PPFIA2: variants seen among roughly 807,000 people sequenced by gnomAD.
PPFIA2 encodes the protein PPFI scaffold protein A2, also known as liprin-alpha-2.
In PPFIA2, 46 loss-of-function variants were observed where a neutral mutation model predicts 175.5. The observed-to-expected ratio is 0.26, with a 90% CI of 0.21 to 0.34. The LOEUF (loss-of-function observed/expected upper bound fraction) is 0.34. PPFIA2 is among the 10% of genes least tolerant of loss of function. PPFIA2 has a pLI of 1.00. For synonymous variants in PPFIA2, 568 were observed against 511.4 expected (o/e 1.11, Z -1.49); for missense variants, 1,179 against 1,506.1 (o/e 0.78, Z 3.60).
At chr12:81,631,235 A>G (rs1009359813) in intron 4 of PPFIA2, among the ~76,000 whole-genome samples, 28 of 152,046 alleles carry the variant, frequency 1.8e-4, no homozygotes, top group Non-Finnish European at 3.8e-4. Context: ...TCTTATTATT[A>G]GATATTGATT....
chr12:81,375,717 AC>A, intron 10 of PPFIA2, 78 bp downstream of exon 10: 2 of 1,382,750 alleles, frequency 1.4e-6, no homozygotes, highest in Non-Finnish European at 2.0e-6. Flanking sequence ...GTCAAGAAGT[AC>A]CCTATTTTAT....
chr12:81,388,188 A>G (rs2039386574), intron 8 of PPFIA2, among the ~76,000 whole-genome samples: 1 of 152,186 alleles, frequency 6.6e-6, no homozygotes, highest in Non-Finnish European at 1.5e-5. Flanking sequence ...TAACGTTTAC[A>G]TACTATAAAT....
intron 4 of PPFIA2, among the ~76,000 whole-genome samples, chr12:81,565,571 T>C (rs1238709210): frequency 6.6e-6 from 1 of 152,180 alleles, no homozygotes; most frequent in African/African-American, 2.4e-5. Flanking sequence ...CTGCATACAC[T>C]CCTTTCTGAA....
At chr12:81,419,879 A>G (rs988339232) in intron 7 of PPFIA2, among the ~76,000 whole-genome samples, 2 of 152,148 alleles carry the variant, frequency 1.3e-5, no homozygotes, top group African/African-American at 2.4e-5. Flanking sequence ...GTATGTTCAC[A>G]GTTCAGACAC....
At chr12:81,571,326 C>T (rs1286223172) in intron 4 of PPFIA2, among the ~76,000 whole-genome samples, 1 of 151,918 alleles carries the variant, frequency 6.6e-6, no homozygotes, top group Admixed American at 6.6e-5. Flanking sequence ...AAAAAATATC[C>T]CAGTAACTAG....
intron 8 of PPFIA2, among the ~76,000 whole-genome samples, chr12:81,403,809 G>C (rs534811824): frequency 1.3e-5 from 2 of 152,238 alleles, no homozygotes; most frequent in East Asian, 3.9e-4. Flanking sequence ...CGTGCATGCA[G>C]ACAGCCCACC....
intron 3 of PPFIA2, among the ~76,000 whole-genome samples, chr12:81,743,794 G>T (rs2082672248): frequency 6.6e-6 from 1 of 152,046 alleles, no homozygotes; most frequent in Non-Finnish European, 1.5e-5. Flanking sequence ...CAGAATTTAG[G>T]CAGTGCCTTC....
At chr12:81,730,957 T>G (rs1170073306) in intron 3 of PPFIA2, among the ~76,000 whole-genome samples, 1 of 151,580 alleles carries the variant, frequency 6.6e-6, no homozygotes, top group Non-Finnish European at 1.5e-5. Context: ...TTATAAAGAA[T>G]GAAGAATCCC....
At chr12:81,440,810 C>CCTGATATATATATATATATATATA (rs1172462264) in intron 6 of PPFIA2, among the ~76,000 whole-genome samples, 1 of 140,994 alleles carries the variant, frequency 7.1e-6, no homozygotes, top group Non-Finnish European at 1.5e-5. Context: ...ATATATATGT[C>CCTGATATATATATATATATATATA]CTGATATATA....
chr12:81,642,633 C>A (rs559453329), intron 4 of PPFIA2, among the ~76,000 whole-genome samples: 512 of 20,198 alleles, frequency 0.025, 16 homozygotes, highest in African/African-American at 0.11. Flanking sequence ...TACTATATAT[C>A]TATTATATAC....
intron 11 of PPFIA2, among the ~76,000 whole-genome samples, chr12:81,371,419 T>G (rs1327315269): frequency 6.6e-6 from 1 of 151,744 alleles, no homozygotes; most frequent in African/African-American, 2.4e-5. Context: ...GTTAGTAGTG[T>G]TTAAATTAAT....
chr12:81,611,315 A>G (rs909705263), intron 4 of PPFIA2, among the ~76,000 whole-genome samples: 11 of 151,964 alleles, frequency 7.2e-5, no homozygotes, highest in Admixed American at 5.9e-4. Flanking sequence ...GGGGCCCGGG[A>G]CCCAGCAACT....
chr12:81,751,703 A>C (rs1293614284), intron 3 of PPFIA2, among the ~76,000 whole-genome samples: 3 of 152,182 alleles, frequency 2.0e-5, no homozygotes, highest in African/African-American at 7.2e-5. Flanking sequence ...ATATTTAAAA[A>C]TTAAAACTTA....
Position 81,371,337 on chromosome 12 carries a change from ATGT to A in PPFIA2, c.1267-2146_1267-2144del, listed in dbSNP as rs561848514. On this transcript the variant is annotated intron_variant, in intron 11 of 32. Coordinates refer to ENST00000549396, the MANE Select transcript of PPFIA2 (RefSeq NM_003625.5). ...TAAATTTTAGAGTAAGTGGATCAAA[ATGT>A]TGTTGAAATTATATAATCTAAATTC... is the stretch of plus-strand genomic sequence containing the variant. Among the ~76,000 whole-genome samples, 18 of 75,086 alleles carry A rather than the reference ATGT, an allele frequency of 2.4e-4. No individual in the cohort carries two copies. In the South Asian group the frequency reaches 7.4e-3, roughly 31 times the overall value. 49.3% of individuals were successfully genotyped at this position (75,086 alleles called of 152,430 possible).
At chr12:81,437,055 T>C (rs1037499483) in intron 7 of PPFIA2, among the ~76,000 whole-genome samples, 3 of 152,190 alleles carry the variant, frequency 2.0e-5, no homozygotes, top group Non-Finnish European at 4.4e-5. Flanking sequence ...ATTTTATCTA[T>C]GTAAAATCAA....
intron 4 of PPFIA2, among the ~76,000 whole-genome samples, chr12:81,478,305 C>A (rs1017105181): frequency 9.9e-5 from 15 of 151,720 alleles, no homozygotes; most frequent in Non-Finnish European, 1.5e-5. Flanking sequence ...TCTCTCTTTT[C>A]TTCTTTATTA....
intron 4 of PPFIA2, among the ~76,000 whole-genome samples, chr12:81,503,138 C>G (rs1358367197): frequency 3.3e-5 from 5 of 152,166 alleles, no homozygotes; most frequent in Non-Finnish European, 7.3e-5. Context: ...TCCTTTCTGC[C>G]TCTCCCTCCC....
chr12:81,331,699 G>A (rs2056157982), intron 21 of PPFIA2, among the ~76,000 whole-genome samples: 1 of 152,098 alleles, frequency 6.6e-6, no homozygotes. Context: ...ATGCAATTGG[G>A]AATTCTGCTT....
At chr12:81,311,977 G>A (rs1566074350) in intron 22 of PPFIA2, 1 of 593,558 alleles carries the variant, frequency 1.7e-6, no homozygotes, top group Non-Finnish European at 2.9e-6. Flanking sequence ...ATTAAAATGT[G>A]AACATTTCTC....
Sources: gnomAD v4.1 joint callset for allele counts (sites outside exome capture counted in the v4.1 genomes callset) on GRCh38, gnomAD v4.1.1 for gene constraint, MANE v1.5 for transcripts, NCBI Gene and HGNC (gene_info 2026-07-23, HGNC 2026-07-21) for gene names.